C10orf71: variants seen among roughly 807,000 people sequenced by gnomAD.
C10orf71 encodes cardiac-enriched FHL2-interacting protein.
For missense variants in C10orf71, 1,869 were observed against 1,804.5 expected (o/e 1.04, Z -0.65); for synonymous variants, 758 against 726.3 (o/e 1.04, Z -0.70).
intron 2 of C10orf71, among the ~76,000 whole-genome samples, chr10:49,318,636 G>T (rs1191084085): frequency 6.6e-6 from 1 of 152,196 alleles, no homozygotes; most frequent in African/African-American, 2.4e-5. Flanking sequence ...CCAGAGTGTT[G>T]TGGTCAAGGG....
chr10:49,326,256 C>G lies in C10orf71; in HGVS notation c.3711C>G (p.Ser1237=). 6.5e-7 allele frequency: 1 copy of G among 1,550,374 alleles called. No homozygotes were observed. The stretch of plus-strand genomic sequence containing the variant: ...GACACAATTTCCCCGTGGTCCGTTC[C>G]CTGCCCCCTCCCGTGCACCGCCACT... ...RPRHNFPVVR[S]LPPPVHRHSV... The change falls in exon 3 of 3, where the codon TCC becomes TCG. Residue 1237 remains serine, a synonymous_variant. Transcript: ENST00000374144.
intron 1 of C10orf71, among the ~76,000 whole-genome samples, chr10:49,307,222 G>T (rs551295352): frequency 3.9e-5 from 6 of 152,024 alleles, no homozygotes; most frequent in Non-Finnish European, 8.8e-5. Context: ...CTCTGAGCTC[G>T]CCAGGAGAAG....
intron 1 of C10orf71, among the ~76,000 whole-genome samples, chr10:49,300,279 A>C (rs1431902845): frequency 1.3e-5 from 2 of 152,102 alleles, no homozygotes; most frequent in African/African-American, 4.8e-5. Flanking sequence ...TTTGTAAATA[A>C]AGTTGTATTG....
chr10:49,318,178 G>A (rs535270668), intron 2 of C10orf71, among the ~76,000 whole-genome samples: 4 of 152,346 alleles, frequency 2.6e-5, no homozygotes, highest in African/African-American at 4.8e-5. Context: ...ACACAGCGGA[G>A]ACAACAGAAA....
intron 2 of C10orf71, among the ~76,000 whole-genome samples, chr10:49,321,171 T>C (rs1450216892): frequency 6.6e-6 from 1 of 152,122 alleles, no homozygotes; most frequent in Non-Finnish European, 1.5e-5. Flanking sequence ...CCAGAACTAA[T>C]TCATCCTGCA....
chr10:49,300,464 A>G (rs1186015138), intron 1 of C10orf71, among the ~76,000 whole-genome samples: 7 of 109,488 alleles, frequency 6.4e-5, no homozygotes, highest in African/African-American at 3.0e-5. Flanking sequence ...TTTAATACAA[A>G]AAAAAAAAAA....
chr10:49,324,148 C>A lies in C10orf71; in HGVS notation c.1603C>A (p.Gln535Lys), dbSNP rs1849163718. 2 of 1,613,964 alleles carry A rather than the reference C, an allele frequency of 1.2e-6. No homozygotes were observed. Among genetic ancestry groups the A allele is most frequent in the East Asian group, 2.2e-5 (1 of 44,874 alleles). Residue 535 changes from glutamine (Q) to lysine (K), a missense_variant, in exon 3 of 3, where the codon CAA (glutamine) becomes AAA (lysine). Physicochemically the swap from Gln to Lys is moderately conservative, Grantham distance 53. Transcript: ENST00000374144. Reference sequence around the variant, plus strand: ...AACTAGAGGTAAGGTTGATGGAAAGCAAGAACCTGTGAGCAACGGTGTCAT... The same window carrying A: ...AACTAGAGGTAAGGTTGATGGAAAGAAAGAACCTGTGAGCAACGGTGTCAT... ...EKTRGKVDGKQEPVSNGVILP... is the reference protein window; with the variant it reads ...EKTRGKVDGKKEPVSNGVILP...
At position 49,322,489 on chromosome 10, in the gene C10orf71, G is replaced by A. The variant is rs975058302; in HGVS notation, c.-57G>A. The A allele has an allele frequency of 2.0e-6, 3 of 1,505,292 alleles. No individual in the cohort carries two copies. The highest frequency in any genetic ancestry group is 2.8e-5 in the African/African-American group (2 of 72,106). The allele number at this position is 1,505,292 out of a possible 1,614,324, so 93.2% of individuals were successfully genotyped here. ...AAGAGGGAAACACCTAACCTTGACAGAATCATCACCAGAGACACCTGCCGG... is the reference window on the plus strand; with the variant it reads ...AAGAGGGAAACACCTAACCTTGACAAAATCATCACCAGAGACACCTGCCGG... On this transcript the variant is annotated 5_prime_UTR_variant, in exon 3 of 3. Coordinates refer to ENST00000374144, the MANE Select transcript of C10orf71 (RefSeq NM_001135196.2).
In C10orf71 at chr10:49,311,084, T is replaced by A. The variant is rs139967386; in HGVS notation, c.-247-5061T>A. ...CCAAGACCCGGCCCCAAGCCCACTC[T>A]GTCACTCACCAGCTGTGAGACATGG... On this transcript the variant is annotated intron_variant, in intron 1 of 2. Transcript: ENST00000374144. 3.8e-3 allele frequency among the ~76,000 whole-genome samples: 572 copies of A among 151,736 alleles called. 7 individuals are homozygous for A. Among genetic ancestry groups the A allele is most frequent in the Non-Finnish European group, 6.2e-3 (422 of 67,922 alleles).
intron 1 of C10orf71, among the ~76,000 whole-genome samples, chr10:49,312,436 G>C (rs1031256919): frequency 5.3e-5 from 8 of 152,234 alleles, no homozygotes; most frequent in Admixed American, 1.3e-4. Context: ...TGGAGGCAGA[G>C]GGCAAAGCCA....
intron 1 of C10orf71, among the ~76,000 whole-genome samples, chr10:49,302,841 G>A (rs1848751778): frequency 6.6e-6 from 1 of 152,186 alleles, no homozygotes; most frequent in African/African-American, 2.4e-5. Context: ...CACTGCGCTT[G>A]GAAGCCTGTG....
At chr10:49,313,123 A>G (rs1211809622) in intron 1 of C10orf71, among the ~76,000 whole-genome samples, 1 of 152,222 alleles carries the variant, frequency 6.6e-6, no homozygotes, top group Non-Finnish European at 1.5e-5. Flanking sequence ...ATGCTTAATT[A>G]TAATTATGGT....
At chr10:49,301,239 A>C (rs1187842687) in intron 1 of C10orf71, among the ~76,000 whole-genome samples, 1 of 152,232 alleles carries the variant, frequency 6.6e-6, no homozygotes, top group Admixed American at 6.5e-5. Context: ...ACAGGGGCAC[A>C]CAGGGCTGCT....
At chr10:49,301,635 A>G (rs1478185176) in intron 1 of C10orf71, among the ~76,000 whole-genome samples, 4 of 152,216 alleles carry the variant, frequency 2.6e-5, no homozygotes, top group African/African-American at 9.6e-5. Context: ...AGCCTCCTAA[A>G]GTCAAGGGGA....
Position 49,323,685 on chromosome 10 carries a change from A to C in C10orf71, c.1140A>C (p.Pro380=). The change falls in exon 3 of 3, where the codon CCA becomes CCC. Residue 380 remains proline, a synonymous_variant. Coordinates refer to ENST00000374144, the MANE Select transcript of C10orf71 (RefSeq NM_001135196.2). ...CTCAAGAGAAGCCAGCCCAGCCCCC[A>C]TGGAGGAAGCCAAAGACTGGCAAAA... The part of the protein sequence containing the change: ...PDSQEKPAQP[P]WRKPKTGKKG... The C allele has an allele frequency of 1.9e-6, 3 of 1,613,862 alleles. No homozygotes were observed. The highest frequency in any genetic ancestry group is 2.5e-6 in the Non-Finnish European group (3 of 1,179,866).
Position 49,325,066 on chromosome 10 carries a change from C to G in C10orf71, c.2521C>G (p.Leu841Val). Residue 841 changes from leucine (L) to valine (V), a missense_variant, in exon 3 of 3, where the codon CTT becomes GTT. Physicochemically the swap from Leu to Val is conservative, Grantham distance 32 (BLOSUM62 1). Coordinates refer to ENST00000374144, the MANE Select transcript of C10orf71 (RefSeq NM_001135196.2). The part of the protein sequence containing the change: ...KGTTFSQAKD[L>V]TPSPSSASNR... Reference sequence around the variant, plus strand: ...CACAACCTTTTCACAGGCCAAAGACCTTACTCCCTCACCATCTTCTGCTTC... The same window carrying G: ...CACAACCTTTTCACAGGCCAAAGACGTTACTCCCTCACCATCTTCTGCTTC... The G allele has an allele frequency of 6.4e-7, 1 of 1,551,790 alleles. No individual in the cohort carries two copies. The highest frequency in any genetic ancestry group is 1.4e-5 in the African/African-American group (1 of 73,148).
Position 49,323,235 on chromosome 10 carries a change from C to G in C10orf71, c.690C>G (p.His230Gln). 1 of 1,613,844 alleles carries G rather than the reference C, an allele frequency of 6.2e-7. No homozygotes were observed. Among genetic ancestry groups the G allele is most frequent in the Non-Finnish European group, 8.5e-7 (1 of 1,179,824 alleles). ...ESSKNPEMAC[H>Q]GSSSFLPAAN... ...CCAAGAATCCAGAAATGGCCTGTCA[C>G]GGCTCCAGCAGCTTCCTCCCAGCAG... is the stretch of plus-strand genomic sequence containing the variant. Residue 230 changes from histidine (H) to glutamine (Q), a missense_variant, in exon 3 of 3, where the codon CAC (histidine) becomes CAG (glutamine). By Grantham distance (24) the His-to-Gln change is conservative (BLOSUM62 0). Transcript: ENST00000374144.
chr10:49,305,775 CG>C (rs1234743934), intron 1 of C10orf71, among the ~76,000 whole-genome samples: 2 of 152,222 alleles, frequency 1.3e-5, no homozygotes, highest in African/African-American at 4.8e-5. Flanking sequence ...TTACCAGAAA[CG>C]GGGCACCCGT....
intron 1 of C10orf71, among the ~76,000 whole-genome samples, chr10:49,306,896 C>T (rs1848823850): frequency 6.6e-6 from 1 of 152,216 alleles, no homozygotes; most frequent in Non-Finnish European, 1.5e-5. Flanking sequence ...GCTGGCCTGG[C>T]AGTGGGGGTG....
Sources: allele counts gnomAD v4.1 joint callset (sites outside exome capture counted in the v4.1 genomes callset), GRCh38; gene constraint gnomAD v4.1.1; transcripts MANE v1.5; gene names NCBI Gene and HGNC (gene_info 2026-07-23, HGNC 2026-07-21).